Variants in LRP1B observed in about 807,000 individuals in gnomAD.
LRP1B encodes the protein LDL receptor related protein 1B.
LRP1B carries 217 observed loss-of-function variants against 556.6 expected under a neutral mutation model. That is an observed-to-expected ratio of 0.39 (90% CI 0.35 to 0.44). LRP1B has a LOEUF of 0.44. Among genes scored for constraint, LRP1B ranks in the 20% least tolerant of loss-of-function variants. LRP1B has a pLI of 1.00. For missense variants in LRP1B, 5,053 were observed against 5,620.8 expected, an observed-to-expected ratio of 0.90 and a Z score of 3.23; for synonymous variants, 2,047 against 1,865.8, an observed-to-expected ratio of 1.10 and a Z score of -2.50.
intron 35 of LRP1B, among the ~76,000 whole-genome samples, chr2:140,717,518 C>T (rs1434489497): frequency 6.6e-6 from 1 of 151,888 alleles, no homozygotes; most frequent in African/African-American, 2.4e-5. Context: ...TTTTTGAATA[C>T]TTGAATGAAA....
chr2:141,052,439 CATA>C (rs141729513), intron 10 of LRP1B, among the ~76,000 whole-genome samples: 6,226 of 151,998 alleles, frequency 0.041, 136 homozygotes, highest in South Asian at 0.075. Flanking sequence ...TCAATGGCAG[CATA>C]ATATTTCCTA....
chr2:141,230,032 T>TAAA (rs1683400707), intron 5 of LRP1B, among the ~76,000 whole-genome samples: 1 of 152,176 alleles, frequency 6.6e-6, no homozygotes, highest in Non-Finnish European at 1.5e-5. Flanking sequence ...AAAACAAGAT[T>TAAA]CTAGGTATAA....
intron 7 of LRP1B, among the ~76,000 whole-genome samples, chr2:141,114,578 C>T (rs974135179): frequency 6.6e-6 from 1 of 152,128 alleles, no homozygotes. Context: ...TCATACCAAT[C>T]TGCCGATCTG....
chr2:141,612,306 A>T (rs766780847), intron 2 of LRP1B, among the ~76,000 whole-genome samples: 1 of 152,180 alleles, frequency 6.6e-6, no homozygotes, highest in Non-Finnish European at 1.5e-5. Context: ...AAGTGTCTTC[A>T]TCAAGTGGGC....
intron 31 of LRP1B, among the ~76,000 whole-genome samples, chr2:140,817,854 C>T (rs1691181631): frequency 6.6e-6 from 1 of 152,004 alleles, no homozygotes; most frequent in South Asian, 2.1e-4. Context: ...TAATACATTT[C>T]CATCACTTAG....
At chr2:141,575,412 A>G (rs971289281) in intron 2 of LRP1B, among the ~76,000 whole-genome samples, 7 of 152,242 alleles carry the variant, frequency 4.6e-5, no homozygotes, top group African/African-American at 1.7e-4. Flanking sequence ...AGCCATATGC[A>G]GAAAACTGCA....
chr2:140,320,972 C>CT (rs1471299541), intron 82 of LRP1B, among the ~76,000 whole-genome samples: 1 of 152,052 alleles, frequency 6.6e-6, no homozygotes, highest in Non-Finnish European at 1.5e-5. Flanking sequence ...AGGAGAATTG[C>CT]TTGAACCCAG....
intron 1 of LRP1B, among the ~76,000 whole-genome samples, chr2:142,058,071 T>C (rs1230214878): frequency 6.6e-6 from 1 of 152,172 alleles, no homozygotes; most frequent in African/African-American, 2.4e-5. Flanking sequence ...GGTATGAATA[T>C]GTACTTTTGC....
intron 1 of LRP1B, among the ~76,000 whole-genome samples, chr2:141,950,898 T>C (rs1701088043): frequency 6.6e-6 from 1 of 152,130 alleles, no homozygotes; most frequent in Non-Finnish European, 1.5e-5. Context: ...AACAAAGAAA[T>C]CAGTTGGTAT....
intron 14 of LRP1B, among the ~76,000 whole-genome samples, chr2:141,010,794 G>A (rs1697721660): frequency 2.0e-5 from 3 of 151,970 alleles, no homozygotes; most frequent in Admixed American, 6.6e-5. Context: ...GGGATTACAG[G>A]CATTAGCCTC....
At chr2:141,390,186 G>A (rs1448710840) in intron 3 of LRP1B, among the ~76,000 whole-genome samples, 1 of 151,812 alleles carries the variant, frequency 6.6e-6, no homozygotes, top group African/African-American at 2.4e-5. Context: ...ATGAGCACAG[G>A]AAAAGATGCT....
At chr2:141,082,981 C>A (rs368461854) in intron 7 of LRP1B, among the ~76,000 whole-genome samples, 81 of 152,284 alleles carry the variant, frequency 5.3e-4, no homozygotes, top group East Asian at 3.3e-3. Context: ...AGAATATGCA[C>A]CTGACCCAAG....
rs112051598 is a variant in LRP1B at position 140,577,559 on chromosome 2, G to A, written c.7194+21072C>T. ...AGCCTCCTGAGTAGCTGGGCTTACA[G>A]GTACGTGCCACCATGCTGGCTAATT... On this transcript the variant is annotated intron_variant, in intron 43 of 90. Transcript: ENST00000389484. 2.9e-3 allele frequency among the ~76,000 whole-genome samples: 438 copies of A among 151,972 alleles called. 2 individuals carry two copies. Among genetic ancestry groups the A allele is most frequent in the African/African-American group, 0.01 (416 of 41,470 alleles).
intron 1 of LRP1B, among the ~76,000 whole-genome samples, chr2:142,092,278 A>T (rs978347630): frequency 4.6e-5 from 7 of 152,148 alleles, no homozygotes; most frequent in African/African-American, 1.7e-4. Flanking sequence ...TTGTTTGTTT[A>T]AAAATATGTA....
At chr2:141,639,781 C>A (rs1355705481) in intron 2 of LRP1B, among the ~76,000 whole-genome samples, 2 of 151,958 alleles carry the variant, frequency 1.3e-5, no homozygotes, top group Non-Finnish European at 2.9e-5. Context: ...AAGATCGAAG[C>A]AAATAAACAG....
chr2:141,123,652 C>T (rs191434035), intron 7 of LRP1B, among the ~76,000 whole-genome samples: 1 of 152,074 alleles, frequency 6.6e-6, no homozygotes, highest in African/African-American at 2.4e-5. Context: ...AATAACATAA[C>T]TTAAAACTAC....
At chr2:141,274,628 A>G (rs1685214774) in intron 3 of LRP1B, among the ~76,000 whole-genome samples, 1 of 152,186 alleles carries the variant, frequency 6.6e-6, no homozygotes, top group Non-Finnish European at 1.5e-5. Context: ...AATTTATTGC[A>G]GTGATGGTTG....
intron 17 of LRP1B, among the ~76,000 whole-genome samples, chr2:140,987,995 G>A (rs1254409597): frequency 1.3e-5 from 2 of 151,918 alleles, no homozygotes; most frequent in African/African-American, 2.4e-5. Flanking sequence ...AAAAGAAGAA[G>A]AATTGCACTC....
At chr2:140,809,801 T>G (rs1013103681) in intron 32 of LRP1B, among the ~76,000 whole-genome samples, 7 of 152,174 alleles carry the variant, frequency 4.6e-5, no homozygotes, top group African/African-American at 1.7e-4. Context: ...GCTAAAATCT[T>G]GACTGCCTTT....
Sources: allele counts gnomAD v4.1 joint callset (sites outside exome capture counted in the v4.1 genomes callset), GRCh38; gene constraint gnomAD v4.1.1; transcripts MANE v1.5; gene names NCBI Gene and HGNC (gene_info 2026-07-23, HGNC 2026-07-21).